The following GAS7 variants were observed in gnomAD, a reference collection of about 807,000 sequenced individuals.
GAS7 encodes growth arrest-specific protein 7.
GAS7 carries 28 observed loss-of-function variants against 71.1 expected under a neutral mutation model. The observed-to-expected ratio is 0.39, with a 90% confidence interval of 0.29 to 0.54. The LOEUF is 0.54. Ranked by LOEUF, GAS7 falls within the 20% of genes least tolerant of loss-of-function variation. The pLI is 0.62. For synonymous variants in GAS7, 258 were observed against 245.8 expected, an observed-to-expected ratio of 1.05 and a Z score of -0.46; for missense variants, 436 against 627.8, an observed-to-expected ratio of 0.69 and a Z score of 3.27.
At chr17:10,166,559 C>T (rs2074295461) in intron 1 of GAS7, among the ~76,000 whole-genome samples, 1 of 152,212 alleles carries the variant, frequency 6.6e-6, no homozygotes, top group Non-Finnish European at 1.5e-5. Context: ...AAACAAGAAA[C>T]TAAACCATCA....
chr17:10,091,687 GGGTTTTGTTTT>G (rs2073583447), intron 1 of GAS7, among the ~76,000 whole-genome samples: 1 of 151,850 alleles, frequency 6.6e-6, no homozygotes, highest in Admixed American at 6.6e-5. Flanking sequence ...CGCCCAGCTG[GGGTTTTGTTTT>G]TGAGACAGAG....
At chr17:10,014,571 T>C (rs1020955606) in intron 2 of GAS7, among the ~76,000 whole-genome samples, 2 of 152,184 alleles carry the variant, frequency 1.3e-5, no homozygotes, top group African/African-American at 4.8e-5. Flanking sequence ...TGCCTGGTCT[T>C]TACTCATGCT....
chr17:10,101,672 C>T (rs1277101240), intron 1 of GAS7, among the ~76,000 whole-genome samples: 4 of 152,172 alleles, frequency 2.6e-5, no homozygotes, highest in Non-Finnish European at 4.4e-5. Flanking sequence ...GCTGCTACCA[C>T]TTAAAACCCA....
At chr17:9,921,255 CAAGT>C (rs2067796762) in intron 11 of GAS7, among the ~76,000 whole-genome samples, 1 of 150,614 alleles carries the variant, frequency 6.6e-6, no homozygotes, top group African/African-American at 2.4e-5. Flanking sequence ...CTCCCGGGTT[CAAGT>C]GATTCTTCTG....
chr17:9,943,053 G>T, intron 7 of GAS7, 68 bp downstream of exon 7: 1 of 984,804 alleles, frequency 1.0e-6, no homozygotes, highest in Non-Finnish European at 1.6e-6. Context: ...CTGTCGCCCC[G>T]CCCCGGCCAC....
intron 3 of GAS7, among the ~76,000 whole-genome samples, chr17:9,970,431 A>G (rs1597579349): frequency 6.6e-6 from 1 of 152,222 alleles, no homozygotes; most frequent in South Asian, 2.1e-4. Context: ...GGAGTTTGAG[A>G]CCAGCCTAGC....
rs757068680 is a variant in GAS7 at position 9,959,188 on chromosome 17, C to T, written c.525+14G>A. The T allele has an allele frequency of 2.5e-6, 4 of 1,612,904 alleles. No individual in the cohort carries two copies. Among genetic ancestry groups the T allele is most frequent in the East Asian group, 2.2e-5 (1 of 44,866 alleles). On this transcript the variant is annotated intron_variant, in intron 5 of 13. Coordinates refer to ENST00000432992, the MANE Select transcript of GAS7 (RefSeq NM_201433.2). This position sits in a 1 kb window ranked among gnomAD's most constrained non-coding sequence, Gnocchi z 5.0. ...CGCAGCCCACCCTGAGGGCGCCCCT[C>T]GGGAGCCACTTACTGTGATGGTGTT...
chr17:10,141,497 C>T (rs1166678796), intron 1 of GAS7, among the ~76,000 whole-genome samples: 1 of 152,060 alleles, frequency 6.6e-6, no homozygotes, highest in Non-Finnish European at 1.5e-5. Context: ...TGAAGAGACA[C>T]ACCCAGATTC....
At chr17:10,151,916 G>A (rs1409666193) in intron 1 of GAS7, among the ~76,000 whole-genome samples, 1 of 152,172 alleles carries the variant, frequency 6.6e-6, no homozygotes, top group Non-Finnish European at 1.5e-5. Context: ...AATGGAAGAA[G>A]AGAGAGAATC....
chr17:10,150,415 TACACAC>T (rs3051267), intron 1 of GAS7, among the ~76,000 whole-genome samples: 12,542 of 145,722 alleles, frequency 0.086, 581 homozygotes, highest in Admixed American at 0.11. Context: ...ACTGGTTAAG[TACACAC>T]ACACACACAC....
chr17:10,130,299 C>A (rs1224287341), intron 1 of GAS7, among the ~76,000 whole-genome samples: 1 of 150,486 alleles, frequency 6.6e-6, no homozygotes, highest in Admixed American at 6.6e-5. Flanking sequence ...AGTGAGATAC[C>A]ACTTCACACC....
chr17:10,069,016 C>G (rs535384769), intron 1 of GAS7, among the ~76,000 whole-genome samples: 1 of 152,220 alleles, frequency 6.6e-6, no homozygotes, highest in South Asian at 2.1e-4. Flanking sequence ...GTAGGCATCC[C>G]CTGCCTAGCA....
intron 1 of GAS7, among the ~76,000 whole-genome samples, chr17:10,194,426 C>T (rs1390898864): frequency 1.3e-5 from 2 of 152,218 alleles, no homozygotes; most frequent in African/African-American, 2.4e-5. Flanking sequence ...AGCCACTGGG[C>T]TTGTCCTGGT....
intron 1 of GAS7, among the ~76,000 whole-genome samples, chr17:10,174,606 G>C (rs1221885313): frequency 6.6e-6 from 1 of 152,020 alleles, no homozygotes; most frequent in East Asian, 1.9e-4. Flanking sequence ...GCAGGAGAAT[G>C]GCGTGAACCC....
At chr17:9,979,533 G>T (rs965023108) in intron 3 of GAS7, among the ~76,000 whole-genome samples, 2 of 152,190 alleles carry the variant, frequency 1.3e-5, no homozygotes, top group African/African-American at 4.8e-5. Flanking sequence ...GCTCCTGTGA[G>T]CATCCCTTCT....
chr17:10,193,111 T>C (rs943048010), intron 1 of GAS7, among the ~76,000 whole-genome samples: 7 of 152,162 alleles, frequency 4.6e-5, no homozygotes, highest in African/African-American at 1.7e-4. Flanking sequence ...ACTATGTCTA[T>C]GAATCATCAG....
chr17:10,096,569 C>T (rs1232670938), intron 1 of GAS7, among the ~76,000 whole-genome samples: 1 of 152,206 alleles, frequency 6.6e-6, no homozygotes, highest in African/African-American at 2.4e-5. Flanking sequence ...AGCCACACTT[C>T]TCCATTCTCA....
chr17:10,083,401 C>T (rs1366745883), intron 1 of GAS7, among the ~76,000 whole-genome samples: 1 of 152,164 alleles, frequency 6.6e-6, no homozygotes, highest in Non-Finnish European at 1.5e-5. Flanking sequence ...GTGGTGCACG[C>T]CTGTAATCCC....
At chr17:10,121,326 A>G (rs1173928543) in intron 1 of GAS7, among the ~76,000 whole-genome samples, 1 of 152,218 alleles carries the variant, frequency 6.6e-6, no homozygotes, top group Non-Finnish European at 1.5e-5. Flanking sequence ...GATTGCAGTG[A>G]GCCAAGACTG....
Sources: gnomAD v4.1 joint callset for allele counts (sites outside exome capture counted in the v4.1 genomes callset) on GRCh38, gnomAD v4.1.1 for gene constraint, Gnocchi (gnomAD v3.1) non-coding constraint, MANE v1.5 for transcripts, NCBI Gene and HGNC (gene_info 2026-07-23, HGNC 2026-07-21) for gene names.